Variants in ARID1A observed in about 807,000 individuals in gnomAD.
The protein encoded by ARID1A is AT-rich interactive domain-containing protein 1A.
A neutral mutation model predicts 212.6 loss-of-function variants in ARID1A; 20 were observed. That is an observed-to-expected ratio of 0.09 (90% confidence interval 0.07 to 0.14). The LOEUF (loss-of-function observed/expected upper bound fraction) is 0.14, where lower values mean the gene tolerates loss of function less well. Ranked by LOEUF, ARID1A falls within the 10% of genes least tolerant of loss-of-function variation. The pLI, the probability that ARID1A is intolerant of heterozygous loss-of-function variation, is 1.00. For synonymous variants in ARID1A, 1,376 were observed against 1,222.1 expected, an observed-to-expected ratio of 1.13 and a Z score of -2.63; for missense variants, 2,587 against 3,059.0, an observed-to-expected ratio of 0.85 and a Z score of 3.64.
At position 26,771,309 on chromosome 1, in the gene ARID1A, T is replaced by C. The variant is rs753443683; in HGVS notation, c.3389T>C (p.Ile1130Thr). 1.2e-6 allele frequency: 2 copies of C among 1,614,106 alleles called. No individual in the cohort carries two copies. Among genetic ancestry groups the C allele is most frequent in the South Asian group, 1.1e-5 (1 of 91,080 alleles). Residue 1130 changes from isoleucine to threonine, a missense_variant, in exon 12 of 20, where the codon ATC (isoleucine) becomes ACC (threonine). Ile to Thr is a moderately conservative substitution (Grantham distance 89, BLOSUM62 -1). Coordinates refer to ENST00000324856, the MANE Select transcript of ARID1A (RefSeq NM_006015.6). This position sits in a 1 kb window ranked among gnomAD's most constrained non-coding sequence, Gnocchi z 5.4. Reference sequence around the variant, plus strand: ...GATTCCAAGAAGTCCCAGCCCAAGATCCAGCCTCCCTCTCCTGGTAAGGAT... The same window carrying C: ...GATTCCAAGAAGTCCCAGCCCAAGACCCAGCCTCCCTCTCCTGGTAAGGAT... The part of the protein sequence containing the change: ...AADSKKSQPK[I>T]QPPSPAGSGS...
intron 6 of ARID1A, 106 bp from the exon 7 acceptor site, chr1:26,762,046 G>A: frequency 7.8e-7 from 1 of 1,287,774 alleles, no homozygotes; most frequent in Non-Finnish European, 1.1e-6. Context: ...CTCCATGCAA[G>A]TGGCTGCTAA....
At chr1:26,704,823 C>T (rs2080372071) in intron 1 of ARID1A, among the ~76,000 whole-genome samples, 1 of 150,976 alleles carries the variant, frequency 6.6e-6, no homozygotes, top group Non-Finnish European at 1.5e-5. Flanking sequence ...TACGCCAGTG[C>T]ACTCCAGCCT....
rs2124787959 is a variant in ARID1A, at chr1:26,731,186, A to G, written c.1385A>G (p.Tyr462Cys). 3 of 1,614,044 alleles carry G rather than the reference A, an allele frequency of 1.9e-6. No individual in the cohort carries two copies. The highest frequency in any genetic ancestry group is 2.5e-6 in the Non-Finnish European group (3 of 1,179,992). The change falls in exon 3 of 20, where the codon TAT becomes TGT. Residue 462 changes from tyrosine to cysteine, a missense_variant. Around this residue, in one of 11 missense-constraint regions of ARID1A, gnomAD observed 674 missense variants for 813.4 expected, o/e 0.83. Transcript: ENST00000324856. The stretch of plus-strand genomic sequence containing the variant: ...TATGGACAACAAGGCCCCAGCGGGT[A>G]TGGTCAACAGGGCCAGACTCCATAT... ...PPYGQQGPSG[Y>C]GQQGQTPYYN...
intron 4 of ARID1A, among the ~76,000 whole-genome samples, chr1:26,740,798 T>A (rs2080780587): frequency 6.6e-6 from 1 of 152,180 alleles, no homozygotes; most frequent in Non-Finnish European, 1.5e-5. Flanking sequence ...GGAGTTCTGG[T>A]CCTTCTGTCT....
chr1:26,727,146 A>G (rs1448344854), intron 1 of ARID1A, among the ~76,000 whole-genome samples: 1 of 152,234 alleles, frequency 6.6e-6, no homozygotes, highest in African/African-American at 2.4e-5. Flanking sequence ...AATACCAGGC[A>G]CTGTGTGAAG....
intron 1 of ARID1A, among the ~76,000 whole-genome samples, chr1:26,710,831 T>G (rs1421714698): frequency 6.6e-6 from 1 of 152,114 alleles, no homozygotes; most frequent in Non-Finnish European, 1.5e-5. Context: ...TGTGCCCTCC[T>G]ATGAAAAAAG....
chr1:26,776,247 G>A (rs968844971), intron 19 of ARID1A, among the ~76,000 whole-genome samples: 1 of 150,676 alleles, frequency 6.6e-6, no homozygotes, highest in Admixed American at 6.6e-5. Flanking sequence ...TAGATGTAGA[G>A]TGGATGGGGG....
chr1:26,705,695 TTAG>T (rs1489200148), intron 1 of ARID1A, among the ~76,000 whole-genome samples: 2 of 152,210 alleles, frequency 1.3e-5, no homozygotes, highest in African/African-American at 4.8e-5. Flanking sequence ...GAATATTGAC[TTAG>T]TAGCCTTGAG....
In ARID1A at chr1:26,780,449, C is replaced by T. The variant is rs1179332640; in HGVS notation, c.6551C>T (p.Ala2184Val). Residue 2184 changes from alanine (A) to valine (V), a missense_variant, in exon 20 of 20, where the codon GCC (alanine) becomes GTC (valine). Physicochemically the swap from Ala to Val is moderately conservative, Grantham distance 64. Around this residue, in one of 11 missense-constraint regions of ARID1A, gnomAD observed 168 missense variants for 321.0 expected, o/e 0.52. Coordinates refer to ENST00000324856, the MANE Select transcript of ARID1A (RefSeq NM_006015.6). This position sits in a 1 kb window ranked among gnomAD's most constrained non-coding sequence, Gnocchi z 7.2. The part of the protein sequence containing the change: ...LAQGDSLAAR[A>V]IAVQKGSIGN... ...CAGGGGGACAGCCTGGCAGCTCGTG[C>T]CATTGCAGTGCAGAAGGGCAGTATC... 2 of 1,614,102 alleles carry T rather than the reference C, an allele frequency of 1.2e-6. No individual in the cohort carries two copies. Among genetic ancestry groups the T allele is most frequent in the Admixed American group, 1.7e-5 (1 of 60,010 alleles).
At chr1:26,713,016 C>T (rs947119497) in intron 1 of ARID1A, among the ~76,000 whole-genome samples, 9 of 152,200 alleles carry the variant, frequency 5.9e-5, no homozygotes, top group Non-Finnish European at 1.2e-4. Flanking sequence ...GCCTGAGAAG[C>T]GTAGCTGTGA....
rs1414896415 is a variant in ARID1A, at chr1:26,779,344, A to G, written c.5446A>G (p.Ile1816Val). ...TAAGTTTGACAAGCTTCCAGTAAAG[A>G]TCGTACAGAAGAATGATCCATTTGT... ...ISKFDKLPVKIVQKNDPFVVD... is the reference protein window; with the variant it reads ...ISKFDKLPVKVVQKNDPFVVD... Residue 1816 changes from isoleucine (I) to valine (V), a missense_variant, in exon 20 of 20, where the codon ATC (isoleucine) becomes GTC (valine). Ile to Val is a conservative substitution (Grantham distance 29, BLOSUM62 3). This residue lies in a region of ARID1A where 890 missense variants were observed against 1,098.2 expected (regional missense o/e 0.81). Coordinates refer to ENST00000324856, the MANE Select transcript of ARID1A (RefSeq NM_006015.6). 1 of 1,614,216 alleles carries G rather than the reference A, an allele frequency of 6.2e-7. No homozygotes were observed. The highest frequency in any genetic ancestry group is 1.1e-5 in the South Asian group (1 of 91,086).
chr1:26,771,380 C>G lies in ARID1A; in HGVS notation c.3406+54C>G, dbSNP rs2081081506. On this transcript the variant is annotated intron_variant, in intron 12 of 19. Coordinates refer to ENST00000324856, the MANE Select transcript of ARID1A (RefSeq NM_006015.6). This position sits in a 1 kb window ranked among gnomAD's most constrained non-coding sequence, Gnocchi z 5.4. ...GGCTGAGAGGGCCTGTTGCCCTGGC[C>G]TCTTATTCAGGATATGAATAAGAGG... The G allele has an allele frequency of 6.4e-7, 1 of 1,553,622 alleles. No individual in the cohort carries two copies. The highest frequency in any genetic ancestry group is 8.9e-7 in the Non-Finnish European group (1 of 1,128,886).
intron 4 of ARID1A, among the ~76,000 whole-genome samples, chr1:26,738,761 G>A (rs12044249): frequency 1.3e-5 from 2 of 151,880 alleles, no homozygotes; most frequent in Admixed American, 6.6e-5. Context: ...GTTTCACCAC[G>A]TTGGCCAGGC....
rs2081193313 is a variant in ARID1A, at chr1:26,781,389, T to G, written c.*633T>G. The stretch of plus-strand genomic sequence containing the variant: ...CATACTGTAATAATAATGTCTCACA[T>G]GGAAACAGAAAACGCTGGGTCAGCA... On this transcript the variant is annotated 3_prime_UTR_variant, in exon 20 of 20. Coordinates refer to ENST00000324856, the MANE Select transcript of ARID1A (RefSeq NM_006015.6). 4.3e-6 allele frequency: 1 copy of G among 232,966 alleles called. No individual in the cohort carries two copies. Among genetic ancestry groups the G allele is most frequent in the African/African-American group, 2.2e-5 (1 of 45,112 alleles). 14.4% of individuals were successfully genotyped at this position (232,966 alleles called of 1,614,324 possible).
intron 19 of ARID1A, chr1:26,778,559 G>C (rs2081158732): frequency 6.5e-6 from 1 of 153,366 alleles, no homozygotes; most frequent in Non-Finnish European, 1.5e-5. Flanking sequence ...GGAGCTTGGA[G>C]AAGAGAGCCA....
chr1:26,715,374 T>C (rs2080492982), intron 1 of ARID1A, among the ~76,000 whole-genome samples: 1 of 152,176 alleles, frequency 6.6e-6, no homozygotes, highest in Non-Finnish European at 1.5e-5. Flanking sequence ...CACTTAATGG[T>C]AGGTAATGAT....
In ARID1A at chr1:26,696,448, CCCGCCGCCG is replaced by C; in HGVS notation, c.54_62del (p.Pro19_Pro21del). On this transcript the variant is annotated inframe_deletion, in exon 1 of 20. Transcript: ENST00000324856. ...CCGCCGCCGCCAGCAGCCTGGGCAA[CCCGCCGCCG>C]CCGCCGCCCTCGGAGCTGAAGAAAG... The C allele has an allele frequency of 7.8e-7, 1 of 1,285,828 alleles. No individual in the cohort carries two copies. Among genetic ancestry groups the C allele is most frequent in the South Asian group, 2.3e-5 (1 of 42,894 alleles). The allele number at this position is 1,285,828 out of a possible 1,614,324, so 79.7% of individuals were successfully genotyped here.
chr1:26,743,603 A>C (rs1553150460), intron 4 of ARID1A, among the ~76,000 whole-genome samples: 1 of 151,892 alleles, frequency 6.6e-6, no homozygotes, highest in Non-Finnish European at 1.5e-5. Context: ...TGGGAGGCTG[A>C]GGCGGGTCAT....
intron 1 of ARID1A, among the ~76,000 whole-genome samples, chr1:26,725,075 A>G (rs1185091827): frequency 6.6e-6 from 1 of 152,004 alleles, no homozygotes; most frequent in African/African-American, 2.4e-5. Flanking sequence ...CCTCTCAATT[A>G]TGTGTCTCTG....
Sources: allele counts gnomAD v4.1 joint callset (sites outside exome capture counted in the v4.1 genomes callset), GRCh38; gene constraint gnomAD v4.1.1; regional missense constraint gnomAD v4.1.1; non-coding constraint Gnocchi (gnomAD v3.1); transcripts MANE v1.5; gene names NCBI Gene and HGNC (gene_info 2026-07-23, HGNC 2026-07-21).